Variants in PLCG2 observed in about 807,000 individuals in gnomAD.
The protein encoded by PLCG2 is phospholipase C gamma 2.
Under a neutral mutation model 175.6 loss-of-function variants are expected in PLCG2, and 69 were observed. The observed-to-expected ratio is 0.39, with a 90% confidence interval of 0.32 to 0.48. The LOEUF is 0.48. Among genes scored for constraint, PLCG2 ranks in the 20% least tolerant of loss-of-function variants. The pLI, the probability that PLCG2 is intolerant of heterozygous loss-of-function variation, is 0.91. For missense variants in PLCG2, 1,798 were observed against 1,650.9 expected (o/e 1.09, Z -1.54); for synonymous variants, 827 against 624.0 (o/e 1.33, Z -4.85).
intron 9 of PLCG2, among the ~76,000 whole-genome samples, chr16:81,888,782 A>G (rs1197327962): frequency 2.6e-5 from 4 of 152,234 alleles, no homozygotes; most frequent in Non-Finnish European, 1.5e-5. Flanking sequence ...ATCATAGGGC[A>G]GGAGCTGGCA....
intron 2 of PLCG2, among the ~76,000 whole-genome samples, chr16:81,827,959 G>T (rs552239163): frequency 2.0e-5 from 3 of 151,574 alleles, no homozygotes; most frequent in African/African-American, 7.3e-5. Flanking sequence ...GCATGGTGGC[G>T]GATGCCTGTA....
At chr16:81,776,352 G>A (rs565916505), upstream of PLCG2, among the ~76,000 whole-genome samples, 3 of 151,732 alleles carry the variant, frequency 2.0e-5, no homozygotes, top group South Asian at 2.1e-4. Context: ...CTCGTGATCC[G>A]CCCGCCTCAG....
chr16:81,959,824 CTGTT>C lies in PLCG2; in HGVS notation c.*1827_*1830del, dbSNP rs1479727594. The C allele has an allele frequency of 5.4e-6, 1 of 186,292 alleles. No individual in the cohort carries two copies. The highest frequency in any genetic ancestry group is 2.3e-5 in the African/African-American group (1 of 42,730). 11.5% of individuals were successfully genotyped at this position (186,292 alleles called of 1,614,324 possible). A position where few individuals can be genotyped will look rare whatever the true frequency, so the allele number is the denominator to read the frequency against. On this transcript the variant is annotated 3_prime_UTR_variant, in exon 33 of 33. Transcript: ENST00000564138. ...GCATCTCCCCCAACCCCTCTCAGCT[CTGTT>C]AGGACTTCCACACAGCAGAGCTCAG...
At chr16:81,807,471 C>G (rs1904286471) in intron 2 of PLCG2, among the ~76,000 whole-genome samples, 1 of 152,210 alleles carries the variant, frequency 6.6e-6, no homozygotes, top group Non-Finnish European at 1.5e-5. Flanking sequence ...CATCAAGCCC[C>G]CACATCGTCA....
intron 13 of PLCG2, 33 bp from the exon 14 acceptor site, chr16:81,900,579 C>T (rs761265828): frequency 1.9e-6 from 3 of 1,559,416 alleles, no homozygotes; most frequent in Non-Finnish European, 2.6e-6. Flanking sequence ...GTGTGCTCCC[C>T]CTGCCGAGCT....
chr16:81,945,210 T>A (rs925907397), intron 30 of PLCG2, among the ~76,000 whole-genome samples: 1 of 152,192 alleles, frequency 6.6e-6, no homozygotes, highest in Non-Finnish European at 1.5e-5. Context: ...TATAAAATGT[T>A]CCAAGAGAAA....
At position 81,907,564 on chromosome 16, in the gene PLCG2, T is replaced by C. The variant is rs1020123613; in HGVS notation, c.1468-121T>C. On this transcript the variant is annotated intron_variant, in intron 15 of 32. Coordinates refer to ENST00000564138, the MANE Select transcript of PLCG2 (RefSeq NM_002661.5). The stretch of plus-strand genomic sequence containing the variant: ...ATTCAGAGAATTCGCCATAAATGTC[T>C]ATGAAACTGGGAAAAGCACATCCAT... 11 of 586,860 alleles carry C rather than the reference T, an allele frequency of 1.9e-5. No individual in the cohort carries two copies. The Admixed American group carries it at 2.4e-4, about 13-fold the overall frequency. 36.4% of individuals were successfully genotyped at this position (586,860 alleles called of 1,614,324 possible).
At chr16:81,927,727 C>G (rs1362065196) in intron 23 of PLCG2, among the ~76,000 whole-genome samples, 1 of 152,180 alleles carries the variant, frequency 6.6e-6, no homozygotes, top group Non-Finnish European at 1.5e-5. Context: ...TGTTTATTTT[C>G]TAAGGGATGT....
At chr16:81,776,120 G>GT (rs11379635), upstream of PLCG2, among the ~76,000 whole-genome samples, 69,782 of 93,906 alleles carry the variant, frequency 0.74, 27,959 homozygotes, top group East Asian at 0.92. Context: ...TTTCTTTTTT[G>GT]TTTTTTTTGA....
intron 2 of PLCG2, among the ~76,000 whole-genome samples, chr16:81,770,962 G>T (rs1245811278): frequency 5.3e-5 from 8 of 151,700 alleles, no homozygotes; most frequent in African/African-American, 1.9e-4. Context: ...GGAGGCTGAG[G>T]CAGGAGAATG....
intron 2 of PLCG2, among the ~76,000 whole-genome samples, chr16:81,844,857 C>G (rs759253529): frequency 1.3e-5 from 2 of 152,206 alleles, no homozygotes; most frequent in Admixed American, 1.3e-4. Context: ...CACAGGTCAT[C>G]GAGGAGTTTT....
intron 2 of PLCG2, among the ~76,000 whole-genome samples, chr16:81,790,828 C>T (rs1319962035): frequency 6.6e-6 from 1 of 152,050 alleles, no homozygotes; most frequent in Non-Finnish European, 1.5e-5. Context: ...TGTTGATTTT[C>T]TCACCTGGGA....
At chr16:81,831,978 T>A (rs770698389) in intron 2 of PLCG2, among the ~76,000 whole-genome samples, 31 of 152,344 alleles carry the variant, frequency 2.0e-4, no homozygotes, top group Non-Finnish European at 4.1e-4. Flanking sequence ...CGGAAGGGAC[T>A]GACTTCTGCA....
upstream of PLCG2, among the ~76,000 whole-genome samples, chr16:81,778,055 C>CAAACAAACAAACAAACAA (rs1910516699): frequency 1.8e-5 from 1 of 56,780 alleles, no homozygotes; most frequent in South Asian, 6.7e-4. Flanking sequence ...AAAAAAAAAA[C>CAAACAAACAAACAAACAA]AAAAAAAACC....
intron 23 of PLCG2, among the ~76,000 whole-genome samples, chr16:81,927,506 T>A (rs1017002283): frequency 6.6e-6 from 1 of 152,198 alleles, no homozygotes; most frequent in South Asian, 2.1e-4. Context: ...CACATTTATA[T>A]TGGACAGCCA....
intron 30 of PLCG2, among the ~76,000 whole-genome samples, chr16:81,942,535 C>T (rs985922279): frequency 1.3e-5 from 2 of 152,156 alleles, no homozygotes; most frequent in African/African-American, 2.4e-5. Flanking sequence ...CACCCATTGT[C>T]ATTAGAGATG....
At chr16:81,928,871 C>T (rs1910387435) in intron 24 of PLCG2, 6 of 431,062 alleles carry the variant, frequency 1.4e-5, no homozygotes, top group South Asian at 7.4e-5. Context: ...TGGTGGTTAG[C>T]GGATATTATT....
chr16:81,766,420 C>T (rs1191288920), intron 2 of PLCG2, among the ~76,000 whole-genome samples: 2 of 152,122 alleles, frequency 1.3e-5, no homozygotes, highest in East Asian at 3.9e-4. Context: ...ACTTGCTGAG[C>T]CCACTGCCTG....
intron 2 of PLCG2, among the ~76,000 whole-genome samples, chr16:81,788,897 C>G (rs914862710): frequency 2.0e-5 from 3 of 152,188 alleles, no homozygotes; most frequent in African/African-American, 7.2e-5. Context: ...CCTCCCTTCC[C>G]CCACAAGGGG....
Sources: gnomAD v4.1 joint callset for allele counts (sites outside exome capture counted in the v4.1 genomes callset) on GRCh38, gnomAD v4.1.1 for gene constraint, MANE v1.5 for transcripts, NCBI Gene and HGNC (gene_info 2026-07-23, HGNC 2026-07-21) for gene names.